Variants in MARCHF1 observed in about 807,000 individuals in gnomAD.
MARCHF1 encodes the protein membrane associated ring-CH-type finger 1.
A neutral mutation model predicts 54.2 loss-of-function variants in MARCHF1; 40 were observed. The ratio of observed to expected loss-of-function variants is 0.74; its 90% CI spans 0.57 to 0.96. The LOEUF (loss-of-function observed/expected upper bound fraction) is 0.96, where lower values mean the gene tolerates loss of function less well. Ranked by LOEUF, MARCHF1 falls within the 40% of genes least tolerant of loss-of-function variation. MARCHF1 has a pLI of 0.00. For missense variants in MARCHF1, 586 were observed against 656.5 expected, an observed-to-expected ratio of 0.89 and a Z score of 1.17; for synonymous variants, 236 against 236.3, an observed-to-expected ratio of 1.00 and a Z score of 0.01.
intron 4 of MARCHF1, among the ~76,000 whole-genome samples, chr4:163,821,794 T>A (rs75159927): frequency 1.1e-3 from 2 of 1,804 alleles, no homozygotes; most frequent in Non-Finnish European, 9.7e-3. Context: ...GAAAAGAGGG[T>A]TTTTTTTTTT....
At chr4:163,734,634 C>T (rs1052732704) in intron 4 of MARCHF1, among the ~76,000 whole-genome samples, 2 of 151,276 alleles carry the variant, frequency 1.3e-5, no homozygotes, top group Non-Finnish European at 2.9e-5. Context: ...AACTAATCTA[C>T]GATGATAGAA....
intron 4 of MARCHF1, among the ~76,000 whole-genome samples, chr4:163,741,057 C>T (rs1048702121): frequency 2.4e-4 from 37 of 152,134 alleles, no homozygotes; most frequent in African/African-American, 8.5e-4. Flanking sequence ...GTCTTTGTAG[C>T]ACACAGTGAA....
intron 3 of MARCHF1, among the ~76,000 whole-genome samples, chr4:163,959,176 G>A (rs28631353): frequency 0.059 from 8,965 of 151,812 alleles, 518 homozygotes; most frequent in East Asian, 0.17. Context: ...AGAATTGTGA[G>A]CAAATACAAT....
chr4:163,675,958 A>C lies in MARCHF1; in HGVS notation c.162+24855T>G, dbSNP rs529247832. On this transcript the variant is annotated intron_variant, in intron 5 of 9. Transcript: ENST00000514618. ...ACAAACAAAGATGCCTATTTTTCCC[A>C]ATATTTCTCTGTGCCAACATTTTGT... Among the ~76,000 whole-genome samples the C allele has an allele frequency of 4.6e-5, 7 of 152,242 alleles. No homozygotes were observed. The South Asian group carries it at 1.5e-3, about 32-fold the overall frequency.
At chr4:164,177,966 TACA>T (rs1730734692) in intron 1 of MARCHF1, among the ~76,000 whole-genome samples, 1 of 152,104 alleles carries the variant, frequency 6.6e-6, no homozygotes, top group Non-Finnish European at 1.5e-5. Flanking sequence ...GAACCTGAGG[TACA>T]ACAATTTGAC....
intron 3 of MARCHF1, among the ~76,000 whole-genome samples, chr4:163,911,455 A>G (rs1751186864): frequency 1.3e-5 from 2 of 152,198 alleles, no homozygotes; most frequent in Non-Finnish European, 2.9e-5. Context: ...AAAGTTCTAC[A>G]AGGCCTGAGG....
chr4:163,645,460 C>T (rs554356312), intron 5 of MARCHF1, among the ~76,000 whole-genome samples: 10 of 152,210 alleles, frequency 6.6e-5, no homozygotes, highest in South Asian at 2.1e-4. Context: ...CTATGGATAA[C>T]GAAGAACCAA....
chr4:163,536,869 C>T (rs1351107778), intron 9 of MARCHF1, among the ~76,000 whole-genome samples: 2 of 152,114 alleles, frequency 1.3e-5, no homozygotes, highest in African/African-American at 4.8e-5. Flanking sequence ...CACCATCCTT[C>T]AATATGTTCC....
intron 4 of MARCHF1, among the ~76,000 whole-genome samples, chr4:163,773,987 T>C (rs986860815): frequency 6.6e-6 from 1 of 152,174 alleles, no homozygotes; most frequent in African/African-American, 2.4e-5. Flanking sequence ...TTTTGTTAAA[T>C]GCAGATTATT....
chr4:164,342,536 TA>T (rs59977887), intron 1 of MARCHF1, among the ~76,000 whole-genome samples: 1 of 148,386 alleles, frequency 6.7e-6, no homozygotes, highest in Non-Finnish European at 1.5e-5. Flanking sequence ...ATAATAATAA[TA>T]AAAAAATATT....
chr4:164,316,339 G>A (rs540253105), intron 1 of MARCHF1, among the ~76,000 whole-genome samples: 1 of 152,258 alleles, frequency 6.6e-6, no homozygotes, highest in South Asian at 2.1e-4. Context: ...ACTTTTTAGA[G>A]CAATGAAAGG....
chr4:164,313,924 T>C (rs956230385), intron 1 of MARCHF1, among the ~76,000 whole-genome samples: 2 of 152,210 alleles, frequency 1.3e-5, no homozygotes, highest in African/African-American at 4.8e-5. Context: ...CCTATCTTCA[T>C]TATCTGCCTA....
rs371123137 is a variant in MARCHF1, at chr4:164,071,177, A to G, written c.-248+40411T>C. Among the ~76,000 whole-genome samples the G allele has an allele frequency of 5.9e-5, 9 of 152,208 alleles. No individual in the cohort carries two copies. In the East Asian group the frequency reaches 1.5e-3, roughly 26 times the overall value. Reference sequence around the variant, plus strand: ...TGTTTGACCTTTTTCAAATGTAAAAACTAGTAAGCAAGCAGCATTTTATCT... The same window carrying G: ...TGTTTGACCTTTTTCAAATGTAAAAGCTAGTAAGCAAGCAGCATTTTATCT... On this transcript the variant is annotated intron_variant, in intron 2 of 9. Transcript: ENST00000514618.
At chr4:164,257,369 T>C (rs747806139) in intron 1 of MARCHF1, among the ~76,000 whole-genome samples, 1 of 152,066 alleles carries the variant, frequency 6.6e-6, no homozygotes, top group African/African-American at 2.4e-5. Context: ...GTTAGATTTT[T>C]CTTTTTAGTG....
intron 7 of MARCHF1, among the ~76,000 whole-genome samples, chr4:163,594,611 TA>T (rs1333940267): frequency 6.6e-6 from 1 of 151,456 alleles, no homozygotes; most frequent in Non-Finnish European, 1.5e-5. Flanking sequence ...GCAAAGGAGC[TA>T]AAAAGACATT....
intron 1 of MARCHF1, among the ~76,000 whole-genome samples, chr4:164,322,884 T>A (rs1472686860): frequency 1.3e-5 from 2 of 152,006 alleles, no homozygotes; most frequent in Non-Finnish European, 2.9e-5. Context: ...GTAGACATCA[T>A]GTCCATAAAC....
chr4:164,063,695 A>G (rs1430996), intron 2 of MARCHF1, among the ~76,000 whole-genome samples: 112,375 of 152,110 alleles, frequency 0.74, 41,975 homozygotes, highest in Non-Finnish European at 0.79. Flanking sequence ...ATTTTTTAGC[A>G]TTTTTATATT....
At chr4:163,847,925 T>C (rs1172075078) in intron 4 of MARCHF1, among the ~76,000 whole-genome samples, 2 of 152,120 alleles carry the variant, frequency 1.3e-5, no homozygotes, top group East Asian at 1.9e-4. Context: ...AGTATCAACT[T>C]CTTATAATGC....
At chr4:163,913,571 T>G (rs1483941349) in intron 3 of MARCHF1, among the ~76,000 whole-genome samples, 1 of 152,160 alleles carries the variant, frequency 6.6e-6, no homozygotes, top group African/African-American at 2.4e-5. Flanking sequence ...CCCCTCACCC[T>G]CATCCATAAT....
Sources: allele counts gnomAD v4.1 joint callset (sites outside exome capture counted in the v4.1 genomes callset), GRCh38; gene constraint gnomAD v4.1.1; transcripts MANE v1.5; gene names NCBI Gene and HGNC (gene_info 2026-07-23, HGNC 2026-07-21).